Variants in ADAM18 observed in about 807,000 individuals in gnomAD.
ADAM18 encodes the protein disintegrin and metalloproteinase domain-containing protein 18.
In ADAM18, 117 loss-of-function variants were observed where a neutral mutation model predicts 94.4. The observed-to-expected ratio is 1.24, with a 90% confidence interval of 1.07 to 1.45. ADAM18 has a LOEUF of 1.45. Among genes scored for constraint, ADAM18 ranks in the 40% most tolerant of loss-of-function variants. ADAM18 has a pLI of 0.00. For missense variants in ADAM18, 936 were observed against 880.0 expected, an observed-to-expected ratio of 1.06 and a Z score of -0.81; for synonymous variants, 327 against 291.6, an observed-to-expected ratio of 1.12 and a Z score of -1.24.
chr8:39,667,507 C>G (rs1303160536), intron 13 of ADAM18, among the ~76,000 whole-genome samples: 1 of 151,360 alleles, frequency 6.6e-6, no homozygotes, highest in Non-Finnish European at 1.5e-5. Context: ...TACTCCTGTT[C>G]AATACTAATA....
intron 17 of ADAM18, among the ~76,000 whole-genome samples, chr8:39,696,104 G>A (rs1360200178): frequency 6.6e-6 from 1 of 151,184 alleles, no homozygotes; most frequent in African/African-American, 2.4e-5. Flanking sequence ...GTTGCAAAAT[G>A]GAATTATCAC....
intron 19 of ADAM18, among the ~76,000 whole-genome samples, chr8:39,728,099 T>C (rs1391764090): frequency 6.6e-6 from 1 of 151,904 alleles, no homozygotes; most frequent in East Asian, 1.9e-4. Context: ...TACCACACAC[T>C]TTGAAATGGC....
chr8:39,668,590 C>G (rs1212223432), intron 14 of ADAM18, among the ~76,000 whole-genome samples: 1 of 151,980 alleles, frequency 6.6e-6, no homozygotes, highest in Non-Finnish European at 1.5e-5. Flanking sequence ...ATCATATTTC[C>G]TAACTGAGGA....
intron 16 of ADAM18, among the ~76,000 whole-genome samples, chr8:39,682,638 C>A (rs767473508): frequency 9.9e-5 from 15 of 152,092 alleles, no homozygotes; most frequent in Admixed American, 2.0e-4. Context: ...AGTTCTAATC[C>A]CCCCCCACAC....
rs144106735 is a variant in ADAM18 at position 39,721,389 on chromosome 8, C to T, written c.2018-2359C>T. On this transcript the variant is annotated intron_variant, in intron 18 of 19. Transcript: ENST00000265707. The stretch of plus-strand genomic sequence containing the variant: ...TCAAAGACCTCAAAAACAAATGCAA[C>T]GAAAGTAAAAATGGACAAATGGGGC... Among the ~76,000 whole-genome samples the T allele has an allele frequency of 2.1e-3, 315 of 151,320 alleles. 2 individuals are homozygous for T. The highest frequency in any genetic ancestry group is 3.8e-3 in the Non-Finnish European group (256 of 67,464).
intron 11 of ADAM18, among the ~76,000 whole-genome samples, chr8:39,648,023 A>G (rs1056277045): frequency 1.3e-5 from 2 of 152,168 alleles, no homozygotes; most frequent in African/African-American, 4.8e-5. Context: ...GAACTATATA[A>G]CAGAAGAGCA....
In ADAM18 at chr8:39,708,926, C is replaced by A. The variant is rs1035702862; in HGVS notation, c.2017+2022C>A. On this transcript the variant is annotated intron_variant, in intron 18 of 19. Transcript: ENST00000265707. ...CCCGCATCTGGAGAGGTTCCAGTGA[C>A]CCTTGAAGCTCCAGAGGGCATGTTA... 2.0e-5 allele frequency among the ~76,000 whole-genome samples: 3 copies of A among 152,222 alleles called. No homozygotes were observed. The South Asian group carries it at 6.2e-4, about 31-fold the overall frequency.
rs113306536 is a variant in ADAM18, at chr8:39,628,865, A to T, written c.523-509A>T. The stretch of plus-strand genomic sequence containing the variant: ...GTCCAGAGCATAGGCTTTGTGTGTC[A>T]TTTGATATAAAGCAATAATTATTGA... On this transcript the variant is annotated intron_variant, in intron 6 of 19. Transcript: ENST00000265707. Among the ~76,000 whole-genome samples, 241 of 152,198 alleles carry T rather than the reference A, an allele frequency of 1.6e-3. 2 individuals carry two copies. Among genetic ancestry groups the T allele is most frequent in the African/African-American group, 5.7e-3 (235 of 41,586 alleles).
At chr8:39,650,316 A>G (rs1820497699) in intron 12 of ADAM18, among the ~76,000 whole-genome samples, 1 of 152,228 alleles carries the variant, frequency 6.6e-6, no homozygotes. Flanking sequence ...TTCTTATGCA[A>G]TACTAAGAAA....
intron 7 of ADAM18, among the ~76,000 whole-genome samples, chr8:39,629,741 G>A (rs1819880720): frequency 6.7e-6 from 1 of 148,442 alleles, no homozygotes; most frequent in African/African-American, 2.5e-5. Context: ...TGAAAGTTTT[G>A]TTTTAATTTT....
chr8:39,640,303 A>G (rs190119726), intron 10 of ADAM18, among the ~76,000 whole-genome samples: 76 of 152,128 alleles, frequency 5.0e-4, no homozygotes, highest in Non-Finnish European at 8.2e-4. Context: ...TTCCTGCATT[A>G]GTTTGCTGAG....
chr8:39,678,529 C>T (rs1298903785), intron 15 of ADAM18, among the ~76,000 whole-genome samples: 1 of 152,008 alleles, frequency 6.6e-6, no homozygotes, highest in Non-Finnish European at 1.5e-5. Flanking sequence ...CAGGAGGAGA[C>T]CCGGCATAAT....
chr8:39,653,628 T>A (rs1407737371), intron 12 of ADAM18, among the ~76,000 whole-genome samples: 1 of 152,200 alleles, frequency 6.6e-6, no homozygotes, highest in Non-Finnish European at 1.5e-5. Flanking sequence ...AAAAACCTAA[T>A]ATGCCCTAAC....
chr8:39,688,065 G>A (rs1053784186), intron 16 of ADAM18, among the ~76,000 whole-genome samples: 1 of 152,144 alleles, frequency 6.6e-6, no homozygotes, highest in African/African-American at 2.4e-5. Flanking sequence ...CACAATGGTT[G>A]AACTAATTTA....
At chr8:39,621,736 C>A (rs988123827) in intron 6 of ADAM18, among the ~76,000 whole-genome samples, 1 of 152,092 alleles carries the variant, frequency 6.6e-6, no homozygotes, top group African/African-American at 2.4e-5. Context: ...CCATGGAATA[C>A]TATGCAGCCA....
At chr8:39,686,551 G>A (rs186299807) in intron 16 of ADAM18, among the ~76,000 whole-genome samples, 4 of 152,180 alleles carry the variant, frequency 2.6e-5, no homozygotes, top group African/African-American at 9.6e-5. Context: ...TGATTGCACT[G>A]GAGATTAGGT....
At chr8:39,623,166 C>G (rs1433529342) in intron 6 of ADAM18, among the ~76,000 whole-genome samples, 6 of 152,182 alleles carry the variant, frequency 3.9e-5, no homozygotes, top group Non-Finnish European at 7.3e-5. Flanking sequence ...CTCCTCCATT[C>G]AAGTTGCTGC....
chr8:39,666,444 C>T (rs1270658639), intron 13 of ADAM18, among the ~76,000 whole-genome samples: 3 of 152,144 alleles, frequency 2.0e-5, no homozygotes, highest in African/African-American at 2.4e-5. Context: ...TTTTAAATTT[C>T]ATCACTTTTA....
chr8:39,608,192 T>C (rs1819149251), intron 3 of ADAM18, among the ~76,000 whole-genome samples: 1 of 152,080 alleles, frequency 6.6e-6, no homozygotes, highest in Non-Finnish European at 1.5e-5. Context: ...TCTATATCTA[T>C]ATCTAAACCC....
Sources: gnomAD v4.1 joint callset for allele counts (sites outside exome capture counted in the v4.1 genomes callset) on GRCh38, gnomAD v4.1.1 for gene constraint, MANE v1.5 for transcripts, NCBI Gene and HGNC (gene_info 2026-07-23, HGNC 2026-07-21) for gene names.